Variants in MAPK4 observed in about 807,000 individuals in gnomAD.
MAPK4 encodes mitogen-activated protein kinase 4, also known as Erk3-related.
A neutral mutation model predicts 47.7 loss-of-function variants in MAPK4; 22 were observed. That is an observed-to-expected ratio of 0.46 (90% CI 0.33 to 0.66). The LOEUF (loss-of-function observed/expected upper bound fraction) is 0.66, where lower values mean the gene tolerates loss of function less well. MAPK4 is among the 30% of genes least tolerant of loss of function. The pLI, the probability that MAPK4 is intolerant of heterozygous loss-of-function variation, is 0.02. For synonymous variants in MAPK4, 390 were observed against 365.7 expected (o/e 1.07, Z -0.76); for missense variants, 736 against 831.7 (o/e 0.88, Z 1.42).
chr18:50,687,462 A>G (rs1182760567), intron 2 of MAPK4, among the ~76,000 whole-genome samples: 1 of 152,236 alleles, frequency 6.6e-6, no homozygotes, highest in Non-Finnish European at 1.5e-5. Context: ...CCCAGTTGAA[A>G]ACAATTATGT....
chr18:50,594,226 C>A (rs2042462893), intron 1 of MAPK4, among the ~76,000 whole-genome samples: 1 of 152,186 alleles, frequency 6.6e-6, no homozygotes, highest in East Asian at 1.9e-4. Flanking sequence ...GCATGGTGCC[C>A]ACCCACACTG....
intron 1 of MAPK4, among the ~76,000 whole-genome samples, chr18:50,570,587 CA>C (rs67720225): frequency 0.06 from 9,083 of 152,290 alleles, 352 homozygotes; most frequent in Non-Finnish European, 0.086. Context: ...TTCCATGGCC[CA>C]GACAATTCCT....
chr18:50,688,535 G>A lies in MAPK4; in HGVS notation c.546+24031G>A, dbSNP rs1271208526. Among the ~76,000 whole-genome samples the A allele has an allele frequency of 3.3e-5, 5 of 152,366 alleles. No homozygotes were observed. The East Asian group carries it at 9.6e-4, about 29-fold the overall frequency. On this transcript the variant is annotated intron_variant, in intron 2 of 5. Transcript: ENST00000400384. ...AAAGAGGCTTCCCACAGAATTTCAA[G>A]ATGACAGAGAATCTGTGGATGAATT... is the stretch of plus-strand genomic sequence containing the variant.
intron 1 of MAPK4, among the ~76,000 whole-genome samples, chr18:50,585,550 G>A (rs555542876): frequency 6.6e-6 from 1 of 152,242 alleles, no homozygotes; most frequent in South Asian, 2.1e-4. Context: ...CCCCCATAAT[G>A]TGCAAAAGTA....
intron 4 of MAPK4, among the ~76,000 whole-genome samples, chr18:50,725,348 C>G (rs1298761570): frequency 1.3e-5 from 2 of 152,182 alleles, no homozygotes; most frequent in East Asian, 3.8e-4. Context: ...CCTGTCCCAC[C>G]CCTCGACTGC....
chr18:50,667,631 G>T (rs1907679331), intron 2 of MAPK4, among the ~76,000 whole-genome samples: 1 of 152,138 alleles, frequency 6.6e-6, no homozygotes, highest in Admixed American at 6.6e-5. Context: ...GTGCCTTTGT[G>T]TGGGACAAAA....
chr18:50,667,467 G>A (rs1907669331), intron 2 of MAPK4, among the ~76,000 whole-genome samples: 2 of 152,172 alleles, frequency 1.3e-5, no homozygotes, highest in Admixed American at 1.3e-4. Context: ...GGTTGGTTGT[G>A]GTCAGATGTG....
intron 2 of MAPK4, among the ~76,000 whole-genome samples, chr18:50,694,677 C>A (rs1909408946): frequency 1.3e-5 from 2 of 152,150 alleles, no homozygotes; most frequent in African/African-American, 4.8e-5. Context: ...AGTAGAGAGG[C>A]CTTTGGTGAC....
At chr18:50,718,493 C>T (rs900609214) in intron 3 of MAPK4, among the ~76,000 whole-genome samples, 2 of 152,186 alleles carry the variant, frequency 1.3e-5, no homozygotes, top group Admixed American at 6.5e-5. Context: ...GCTGGGATTA[C>T]AGGCATGAGC....
chr18:50,688,747 AG>A (rs1909029398), intron 2 of MAPK4, among the ~76,000 whole-genome samples: 1 of 150,460 alleles, frequency 6.6e-6, no homozygotes, highest in Non-Finnish European at 1.5e-5. Flanking sequence ...AAAGGGTGGG[AG>A]GGGGGTGAGG....
chr18:50,578,517 T>C (rs980069231), intron 1 of MAPK4, among the ~76,000 whole-genome samples: 1 of 152,214 alleles, frequency 6.6e-6, no homozygotes, highest in Non-Finnish European at 1.5e-5. Flanking sequence ...GACATAGTGA[T>C]GGCAGATGGT....
chr18:50,602,118 G>T (rs1283711537), intron 1 of MAPK4, among the ~76,000 whole-genome samples: 1 of 152,058 alleles, frequency 6.6e-6, no homozygotes, highest in African/African-American at 2.4e-5. Flanking sequence ...GTTCCTAAAG[G>T]TATTCTATAG....
rs564237816 is a variant in MAPK4, at chr18:50,673,900, C to G, written c.546+9396C>G. ...AATTTACCATTTTTTTTCAATACTT[C>G]AAAAATGTCATTGCCTTATTTCCTG... is the stretch of plus-strand genomic sequence containing the variant. On this transcript the variant is annotated intron_variant, in intron 2 of 5. Coordinates refer to ENST00000400384, the MANE Select transcript of MAPK4 (RefSeq NM_002747.4). Among the ~76,000 whole-genome samples, 7 of 152,164 alleles carry G rather than the reference C, an allele frequency of 4.6e-5. No individual in the cohort carries two copies. In the East Asian group the frequency reaches 1.2e-3, roughly 25 times the overall value.
intron 1 of MAPK4, among the ~76,000 whole-genome samples, chr18:50,583,213 G>GA (rs1168195073): frequency 6.6e-6 from 1 of 152,182 alleles, no homozygotes; most frequent in Non-Finnish European, 1.5e-5. Context: ...TATGGGCCTA[G>GA]AATGAGAGAA....
At chr18:50,662,454 A>T (rs1907324938) in intron 1 of MAPK4, among the ~76,000 whole-genome samples, 1 of 152,238 alleles carries the variant, frequency 6.6e-6, no homozygotes, top group African/African-American at 2.4e-5. Flanking sequence ...CAGTTTTGAT[A>T]TAGCACTGGG....
intron 1 of MAPK4, among the ~76,000 whole-genome samples, chr18:50,640,765 C>T (rs185397106): frequency 6.6e-6 from 1 of 152,272 alleles, no homozygotes; most frequent in East Asian, 1.9e-4. Flanking sequence ...CGCACCCAGC[C>T]AGTTATGGCT....
chr18:50,567,208 T>G (rs1417905274), intron 1 of MAPK4, among the ~76,000 whole-genome samples: 1 of 152,134 alleles, frequency 6.6e-6, no homozygotes, highest in Non-Finnish European at 1.5e-5. Context: ...GTCATCTACA[T>G]TAGGTATTTC....
chr18:50,634,267 C>T (rs2042859114), intron 1 of MAPK4, among the ~76,000 whole-genome samples: 1 of 151,256 alleles, frequency 6.6e-6, no homozygotes. Context: ...TGTTGTTTGC[C>T]TGGCATGTGC....
intron 1 of MAPK4, among the ~76,000 whole-genome samples, chr18:50,611,517 G>C (rs1470606250): frequency 6.6e-6 from 1 of 152,242 alleles, no homozygotes; most frequent in African/African-American, 2.4e-5. Context: ...AGTGAGCACA[G>C]CTGACCTTTT....
Sources: allele counts gnomAD v4.1 joint callset (sites outside exome capture counted in the v4.1 genomes callset), GRCh38; gene constraint gnomAD v4.1.1; transcripts MANE v1.5; gene names NCBI Gene and HGNC (gene_info 2026-07-23, HGNC 2026-07-21).